The following SLC4A5 variants were observed in gnomAD, a reference collection of about 807,000 sequenced individuals.
SLC4A5 encodes the protein electrogenic sodium bicarbonate cotransporter 4.
A neutral mutation model predicts 120.4 loss-of-function variants in SLC4A5; 96 were observed. That is an observed-to-expected ratio of 0.80 (90% confidence interval 0.68 to 0.94). The LOEUF is 0.94. Ranked by LOEUF, SLC4A5 falls within the 40% of genes least tolerant of loss-of-function variation. SLC4A5 has a pLI of 0.00. For synonymous variants in SLC4A5, 550 were observed against 571.1 expected, an observed-to-expected ratio of 0.96 and a Z score of 0.53; for missense variants, 1,259 against 1,459.5, an observed-to-expected ratio of 0.86 and a Z score of 2.24.
chr2:74,245,922 G>A (rs985215605), intron 19 of SLC4A5, among the ~76,000 whole-genome samples: 6 of 152,166 alleles, frequency 3.9e-5, no homozygotes, highest in East Asian at 1.9e-4. Flanking sequence ...ACCAGGGCCC[G>A]CATTGAGACC....
intron 7 of SLC4A5, among the ~76,000 whole-genome samples, chr2:74,287,123 T>C (rs1275671535): frequency 1.3e-5 from 2 of 152,190 alleles, no homozygotes; most frequent in African/African-American, 2.4e-5. Context: ...CTTCCCTTCC[T>C]CCAGCCTGTT....
chr2:74,229,260 G>A (rs879601920), intron 25 of SLC4A5, among the ~76,000 whole-genome samples: 1 of 79,564 alleles, frequency 1.3e-5, no homozygotes, highest in Non-Finnish European at 3.3e-5. Context: ...TTTTTTTTTT[G>A]GGGGGGGCAC....
intron 7 of SLC4A5, among the ~76,000 whole-genome samples, chr2:74,304,144 C>T (rs955351372): frequency 5.3e-5 from 8 of 152,170 alleles, no homozygotes; most frequent in Non-Finnish European, 1.2e-4. Context: ...CCACCGCGCC[C>T]GGCCGCATGT....
At chr2:74,257,909 G>A (rs1407086760) in intron 12 of SLC4A5, among the ~76,000 whole-genome samples, 1 of 152,202 alleles carries the variant, frequency 6.6e-6, no homozygotes, top group Non-Finnish European at 1.5e-5. Context: ...GAAGATAAGA[G>A]AAATTTAACC....
chr2:74,329,167 G>A lies in SLC4A5; in HGVS notation c.-69-981C>T, dbSNP rs530382263. Among the ~76,000 whole-genome samples, 6 of 152,322 alleles carry A rather than the reference G, an allele frequency of 3.9e-5. No homozygotes were observed. The South Asian group carries it at 6.2e-4, about 16-fold the overall frequency. On this transcript the variant is annotated intron_variant, in intron 4 of 30. Transcript: ENST00000394019. ...TTGTAGAAGTAGCAGTAAAACGGTG[G>A]CAATGTAGATGAAGGTGTAAAGTGT...
At chr2:74,233,799 C>G (rs1670177426) in intron 22 of SLC4A5, among the ~76,000 whole-genome samples, 2 of 152,276 alleles carry the variant, frequency 1.3e-5, no homozygotes, top group South Asian at 4.1e-4. Context: ...TGCAACAGCC[C>G]TGGGGTTTGT....
Position 74,255,993 on chromosome 2 carries a change from T to A in SLC4A5, c.868-61A>T. 1.9e-6 allele frequency: 3 copies of A among 1,581,038 alleles called. No homozygotes were observed. Among genetic ancestry groups the A allele is most frequent in the South Asian group, 2.3e-5 (2 of 88,450 alleles). ...CTCCCACCTGCTCTCACTCCCTCACTCCCCTTCAGACTGCTTTGAGGCCTA... is the reference window on the plus strand; with the variant it reads ...CTCCCACCTGCTCTCACTCCCTCACACCCCTTCAGACTGCTTTGAGGCCTA... On this transcript the variant is annotated intron_variant, in intron 12 of 30. Transcript: ENST00000394019. The surrounding 1 kb of genome is among the most constrained non-coding windows in gnomAD (Gnocchi z 4.0).
At chr2:74,257,530 G>A (rs568149646) in intron 12 of SLC4A5, among the ~76,000 whole-genome samples, 3 of 152,080 alleles carry the variant, frequency 2.0e-5, no homozygotes, top group South Asian at 2.1e-4. Context: ...AAGAGGCTTC[G>A]GAAGCAGCAA....
chr2:74,266,673 G>T (rs1176555161), intron 8 of SLC4A5, among the ~76,000 whole-genome samples: 1 of 152,112 alleles, frequency 6.6e-6, no homozygotes, highest in Non-Finnish European at 1.5e-5. Context: ...ATTCTTCATA[G>T]ATTAAAGTCT....
intron 2 of SLC4A5, among the ~76,000 whole-genome samples, chr2:74,340,416 T>C (rs970447587): frequency 2.0e-5 from 3 of 152,190 alleles, no homozygotes; most frequent in African/African-American, 7.2e-5. Flanking sequence ...TTTTGGGGGT[T>C]CATGTTACTG....
rs77252888 is a variant in SLC4A5, at chr2:74,246,419, A to G, written c.2059+617T>C. On this transcript the variant is annotated intron_variant, in intron 19 of 30. Transcript: ENST00000394019. ...CTCCCTGTTCCTCATTCAGCTCTACATCCTGTGGTTTCAGAGGGTGAACAC... is the reference window on the plus strand; with the variant it reads ...CTCCCTGTTCCTCATTCAGCTCTACGTCCTGTGGTTTCAGAGGGTGAACAC... 4.5e-3 allele frequency among the ~76,000 whole-genome samples: 681 copies of G among 152,274 alleles called. 4 individuals carry two copies. Among genetic ancestry groups the G allele is most frequent in the African/African-American group, 0.016 (651 of 41,546 alleles).
Position 74,222,850 on chromosome 2 carries a change from A to G in SLC4A5, c.3331+18T>C, listed in dbSNP as rs181818413. The stretch of plus-strand genomic sequence containing the variant: ...GGACTAGTAGTAAGAAGGGAGAGAC[A>G]TCATGTGTTTTACTTACTGGCAATG... On this transcript the variant is annotated intron_variant, in intron 29 of 30. Transcript: ENST00000394019. 989 of 1,587,232 alleles carry G rather than the reference A, an allele frequency of 6.2e-4. 7 individuals carry two copies. The African/African-American group carries it at 0.012, about 19-fold the overall frequency.
At chr2:74,224,473 C>T (rs1325682456) in intron 28 of SLC4A5, among the ~76,000 whole-genome samples, 1 of 152,182 alleles carries the variant, frequency 6.6e-6, no homozygotes, top group African/African-American at 2.4e-5. Context: ...AAGTCTGCTC[C>T]ACTCTTTGGA....
chr2:74,336,385 T>G (rs1673493312), intron 3 of SLC4A5, among the ~76,000 whole-genome samples: 2 of 152,120 alleles, frequency 1.3e-5, no homozygotes, highest in Non-Finnish European at 2.9e-5. Flanking sequence ...ATTATTAATA[T>G]TTATGAAAGA....
intron 5 of SLC4A5, among the ~76,000 whole-genome samples, chr2:74,320,570 G>A (rs1364093625): frequency 2.0e-5 from 3 of 152,126 alleles, no homozygotes; most frequent in African/African-American, 4.8e-5. Flanking sequence ...AAGTGGGAGG[G>A]TAGAATAGGG....
chr2:74,280,340 C>T (rs563809945), intron 8 of SLC4A5, among the ~76,000 whole-genome samples: 1 of 152,234 alleles, frequency 6.6e-6, no homozygotes, highest in Admixed American at 6.5e-5. Context: ...GATTAGATGC[C>T]CCTATGCTCT....
In SLC4A5 at chr2:74,232,897, C is replaced by T. The variant is rs553716850; in HGVS notation, c.2596-250G>A. ...GCTTGGAGAGGCCCTGGGTTTGGGT[C>T]TCTGGGGAGAAGGGCCCAGAAGGTG... is the stretch of plus-strand genomic sequence containing the variant. On this transcript the variant is annotated intron_variant, in intron 23 of 30. Transcript: ENST00000394019. 2.6e-5 allele frequency among the ~76,000 whole-genome samples: 4 copies of T among 152,290 alleles called. No homozygotes were observed. The South Asian group carries it at 6.2e-4, about 24-fold the overall frequency.
intron 8 of SLC4A5, among the ~76,000 whole-genome samples, chr2:74,279,864 A>C (rs1211058398): frequency 2.6e-5 from 4 of 152,144 alleles, no homozygotes; most frequent in Non-Finnish European, 5.9e-5. Flanking sequence ...GCCATCTGTT[A>C]TCAAGTCTTG....
At chr2:74,315,015 C>A in exon 6 of SLC4A5, 3 of 1,613,690 alleles carry the variant, frequency 1.9e-6, no homozygotes, top group Non-Finnish European at 2.5e-6. Flanking sequence ...TCTCCTCCTT[C>A]ACCTTCATGA....
Sources: gnomAD v4.1 joint callset for allele counts (sites outside exome capture counted in the v4.1 genomes callset) on GRCh38, gnomAD v4.1.1 for gene constraint, Gnocchi (gnomAD v3.1) non-coding constraint, MANE v1.5 for transcripts, NCBI Gene and HGNC (gene_info 2026-07-23, HGNC 2026-07-21) for gene names.